The following NUP88 variants were observed in gnomAD, a reference collection of about 807,000 sequenced individuals.
NUP88 encodes the protein nuclear pore complex protein Nup88.
Under a neutral mutation model 93.9 loss-of-function variants are expected in NUP88, and 57 were observed. The ratio of observed to expected loss-of-function variants is 0.61; its 90% CI spans 0.49 to 0.76. The LOEUF is 0.76. NUP88 is among the 30% of genes least tolerant of loss of function. NUP88 has a pLI of 0.00. For missense variants in NUP88, 911 were observed against 901.0 expected, an observed-to-expected ratio of 1.01 and a Z score of -0.14; for synonymous variants, 346 against 336.8, an observed-to-expected ratio of 1.03 and a Z score of -0.30.
chr17:5,404,052 G>A (rs1458673748), intron 7 of NUP88, 47 bp downstream of exon 7: 1 of 1,562,772 alleles, frequency 6.4e-7, no homozygotes, highest in Non-Finnish European at 8.8e-7. Flanking sequence ...GATAGTCTTA[G>A]TATAAAAATC....
intron 5 of NUP88, among the ~76,000 whole-genome samples, chr17:5,405,517 T>G (rs959611132): frequency 2.0e-5 from 3 of 152,122 alleles, no homozygotes; most frequent in African/African-American, 7.2e-5. Context: ...GGTATTAGCA[T>G]CTAGTGGTTA....
intron 16 of NUP88, 92 bp downstream of exon 16, chr17:5,386,616 A>C: frequency 1.1e-6 from 1 of 871,958 alleles, no homozygotes; most frequent in Non-Finnish European, 1.9e-6. Context: ...GCAAATACCA[A>C]GATTCAGGTT....
At chr17:5,394,158 G>A (rs1321439721) in intron 9 of NUP88, among the ~76,000 whole-genome samples, 1 of 152,182 alleles carries the variant, frequency 6.6e-6, no homozygotes, top group East Asian at 1.9e-4. Flanking sequence ...AGGGCGATAT[G>A]GATGCGGGAA....
At chr17:5,407,979 T>C (rs1015124542) in intron 5 of NUP88, among the ~76,000 whole-genome samples, 2 of 151,730 alleles carry the variant, frequency 1.3e-5, no homozygotes, top group Non-Finnish European at 2.9e-5. Context: ...ACTGGCTTCC[T>C]ACTACCCTAT....
At chr17:5,403,972 TAAA>T in intron 7 of NUP88, 124 bp downstream of exon 7, 1 of 958,770 alleles carries the variant, frequency 1.0e-6, no homozygotes. Context: ...ACTAAAAAGC[TAAA>T]AAAAACCCAG....
At chr17:5,401,927 T>C (rs1237909469) in intron 7 of NUP88, among the ~76,000 whole-genome samples, 3 of 152,228 alleles carry the variant, frequency 2.0e-5, no homozygotes, top group Non-Finnish European at 4.4e-5. Context: ...AGAAATCTGG[T>C]GTGCCTCAGT....
intron 4 of NUP88, among the ~76,000 whole-genome samples, chr17:5,410,238 C>T (rs1053155266): frequency 6.6e-6 from 1 of 152,100 alleles, no homozygotes; most frequent in African/African-American, 2.4e-5. Context: ...TTTTCTACAG[C>T]AAATATACAT....
At chr17:5,387,330 T>A (rs1327546608) in intron 14 of NUP88, 56 bp downstream of exon 14, 1 of 1,483,996 alleles carries the variant, frequency 6.7e-7, no homozygotes, top group Non-Finnish European at 9.4e-7. Context: ...GCCCATTTTC[T>A]TAAATATCGT....
intron 13 of NUP88, 27 bp from the exon 14 acceptor site, chr17:5,387,493 T>C (rs1567563493): frequency 6.2e-7 from 1 of 1,610,836 alleles, no homozygotes. Context: ...CAAGAGACTC[T>C]TGAGGTCCAC....
rs146485150 is a variant in NUP88 at position 5,411,191 on chromosome 17, T to A, written c.594-402A>T. On this transcript the variant is annotated intron_variant, in intron 3 of 16. Transcript: ENST00000573584. Reference sequence around the variant, plus strand: ...AAATCCCACCAGAGAAAGAACTGTATCTTATTCTTTATATGCCAACTGGCT... The same window carrying A: ...AAATCCCACCAGAGAAAGAACTGTAACTTATTCTTTATATGCCAACTGGCT... 9.7e-4 allele frequency among the ~76,000 whole-genome samples: 147 copies of A among 152,310 alleles called. 1 individual carries two copies. Among genetic ancestry groups the A allele is most frequent in the African/African-American group, 3.4e-3 (142 of 41,554 alleles).
Position 5,387,816 on chromosome 17 carries a change from G to A in NUP88, c.1732C>T (p.Leu578Phe), listed in dbSNP as rs763691110. The A allele has an allele frequency of 6.2e-7, 1 of 1,613,564 alleles. No individual in the cohort carries two copies. The highest frequency in any genetic ancestry group is 8.5e-7 in the Non-Finnish European group (1 of 1,179,894). Residue 578 changes from leucine (L) to phenylalanine (F), a missense_variant, in exon 12 of 17, where the codon CTC becomes TTC. Coordinates refer to ENST00000573584, the MANE Select transcript of NUP88 (RefSeq NM_002532.6). The part of the protein sequence containing the change: ...ATQVFREQYI[L>F]KQDLAKEEIQ... ...TCCTCCTTTGCCAAGTCCTGTTTGA[G>A]AATGTACTGCTCTCTGAACACCTGG...
intron 7 of NUP88, 125 bp downstream of exon 7, chr17:5,403,972 TAA>T: frequency 2.1e-6 from 2 of 958,770 alleles, no homozygotes; most frequent in Non-Finnish European, 3.0e-6. Context: ...ACTAAAAAGC[TAA>T]AAAAAACCCA....
At chr17:5,413,909 C>A (rs538418038) in intron 3 of NUP88, 100 bp downstream of exon 3, 1 of 1,273,056 alleles carries the variant, frequency 7.9e-7, no homozygotes, top group African/African-American at 1.5e-5. Flanking sequence ...AGCACTGACT[C>A]ATTCAATGAC....
At chr17:5,395,702 T>C (rs1227624615) in intron 8 of NUP88, among the ~76,000 whole-genome samples, 2 of 151,782 alleles carry the variant, frequency 1.3e-5, no homozygotes, top group African/African-American at 2.4e-5. Context: ...GTTTTAGTAG[T>C]AGACAGGGTT....
In NUP88 at chr17:5,388,804, C is replaced by G. The variant is rs1318628586; in HGVS notation, c.1641G>C (p.Leu547Phe). ...CCGCTATGCCCAAGGTTGCATACTT[C>G]AAAAATGCTGGATTGGCAACACTAC... ...LQRSVANPAF[L>F]KASEKDIAPP... The change falls in exon 11 of 17, where the codon TTG becomes TTC. Residue 547 changes from leucine (L) to phenylalanine (F), a missense_variant and splice_region_variant. Coordinates refer to ENST00000573584, the MANE Select transcript of NUP88 (RefSeq NM_002532.6). 1 of 1,612,888 alleles carries G rather than the reference C, an allele frequency of 6.2e-7. No individual in the cohort carries two copies. The highest frequency in any genetic ancestry group is 2.2e-5 in the East Asian group (1 of 44,872).
intron 4 of NUP88, among the ~76,000 whole-genome samples, chr17:5,409,306 G>A (rs907185708): frequency 1.3e-5 from 2 of 151,168 alleles, no homozygotes; most frequent in Non-Finnish European, 2.9e-5. Flanking sequence ...CCTGGGAGGC[G>A]GAGGTTGCAG....
intron 7 of NUP88, among the ~76,000 whole-genome samples, chr17:5,402,521 T>C (rs1387544930): frequency 1.3e-5 from 2 of 152,208 alleles, no homozygotes; most frequent in Non-Finnish European, 2.9e-5. Context: ...ATGTACACTC[T>C]TTGCTGGTTT....
In NUP88 at chr17:5,419,392, T is replaced by C. The variant is rs2151652876; in HGVS notation, c.259A>G (p.Ser87Gly). The C allele has an allele frequency of 2.5e-6, 4 of 1,606,762 alleles. No individual in the cohort carries two copies. Among genetic ancestry groups the C allele is most frequent in the African/African-American group, 1.3e-5 (1 of 74,492 alleles). The change falls in exon 1 of 17, where the codon AGC becomes GGC. Residue 87 changes from serine (S) to glycine (G), a missense_variant. By Grantham distance (56) the Ser-to-Gly change is moderately conservative. Transcript: ENST00000573584. ...AGGGCGGGCTCTTCGCCGCCGCCGC[T>C]GGGGCCCCGAAGGCGAACGACTAAG... ...SFLVVRLRGPSGGGEEPALSQ... is the reference protein window; with the variant it reads ...SFLVVRLRGPGGGGEEPALSQ...
chr17:5,393,435 CTTTTT>C (rs35265554), intron 9 of NUP88, among the ~76,000 whole-genome samples: 1 of 121,698 alleles, frequency 8.2e-6, no homozygotes, highest in Non-Finnish European at 1.7e-5. Context: ...GTTCACTTTT[CTTTTT>C]TTTTTTTTTT....
Sources: allele counts gnomAD v4.1 joint callset (sites outside exome capture counted in the v4.1 genomes callset), GRCh38; gene constraint gnomAD v4.1.1; transcripts MANE v1.5; gene names NCBI Gene and HGNC (gene_info 2026-07-23, HGNC 2026-07-21).